DYNC1I1: variants seen among roughly 807,000 people sequenced by gnomAD.
DYNC1I1 encodes the protein cytoplasmic dynein 1 intermediate chain 1.
DYNC1I1 carries 43 observed loss-of-function variants against 86.6 expected under a neutral mutation model. The ratio of observed to expected loss-of-function variants is 0.50; its 90% CI spans 0.39 to 0.64. The LOEUF is 0.64. DYNC1I1 is among the 30% of genes least tolerant of loss of function. DYNC1I1 has a pLI of 0.00. For synonymous variants in DYNC1I1, 262 were observed against 283.7 expected (o/e 0.92, Z 0.77); for missense variants, 604 against 788.8 (o/e 0.77, Z 2.81).
At chr7:95,880,982 T>A (rs144681191) in intron 6 of DYNC1I1, among the ~76,000 whole-genome samples, 68 of 152,308 alleles carry the variant, frequency 4.5e-4, no homozygotes, top group African/African-American at 1.5e-3. Context: ...TATCTTTCCC[T>A]AATTTCTCAT....
chr7:96,052,108 A>G (rs746340992), intron 14 of DYNC1I1, among the ~76,000 whole-genome samples: 3 of 152,170 alleles, frequency 2.0e-5, no homozygotes, highest in Non-Finnish European at 4.4e-5. Flanking sequence ...CCTGGTAGGC[A>G]CTGAGTAAAT....
chr7:96,072,095 C>T (rs762387894), intron 14 of DYNC1I1, among the ~76,000 whole-genome samples: 4 of 152,124 alleles, frequency 2.6e-5, no homozygotes, highest in African/African-American at 7.2e-5. Context: ...AGATTTTATG[C>T]GGATTAAATT....
intron 10 of DYNC1I1, among the ~76,000 whole-genome samples, chr7:95,999,182 T>G (rs998680450): frequency 6.6e-6 from 1 of 152,218 alleles, no homozygotes; most frequent in African/African-American, 2.4e-5. Flanking sequence ...GTCATTAGAT[T>G]ATGTGTCTGA....
intron 10 of DYNC1I1, among the ~76,000 whole-genome samples, chr7:96,006,144 A>G (rs895640073): frequency 6.6e-6 from 1 of 152,232 alleles, no homozygotes; most frequent in Non-Finnish European, 1.5e-5. Context: ...AACCTTAACA[A>G]CTGATCAATA....
intron 5 of DYNC1I1, among the ~76,000 whole-genome samples, chr7:95,838,362 T>TA (rs1303567804): frequency 3.9e-5 from 6 of 152,218 alleles, no homozygotes; most frequent in Non-Finnish European, 8.8e-5. Context: ...GATGTGTGAG[T>TA]TAATTTCTGG....
At chr7:95,889,609 G>T (rs538494342) in intron 6 of DYNC1I1, among the ~76,000 whole-genome samples, 3 of 152,162 alleles carry the variant, frequency 2.0e-5, no homozygotes, top group African/African-American at 7.2e-5. Context: ...TTAAACTTAA[G>T]AGTTTCTGCA....
intron 9 of DYNC1I1, among the ~76,000 whole-genome samples, chr7:95,987,359 CAAG>C (rs988059263): frequency 6.6e-6 from 1 of 152,146 alleles, no homozygotes; most frequent in Admixed American, 6.5e-5. Context: ...AGGTACCAAA[CAAG>C]AAGCCAGATT....
At chr7:95,990,985 C>G (rs1465517030) in intron 9 of DYNC1I1, among the ~76,000 whole-genome samples, 1 of 151,920 alleles carries the variant, frequency 6.6e-6, no homozygotes, top group African/African-American at 2.4e-5. Context: ...GCTAAGGTCT[C>G]ATCACTGCAT....
At chr7:95,777,147 C>T (rs568765463) in intron 1 of DYNC1I1, among the ~76,000 whole-genome samples, 4 of 152,284 alleles carry the variant, frequency 2.6e-5, no homozygotes, top group South Asian at 4.1e-4. Context: ...TGTTCACACA[C>T]TGATAGGAAA....
chr7:95,921,267 A>G lies in DYNC1I1; in HGVS notation c.490+51269A>G, dbSNP rs1791603469. On this transcript the variant is annotated intron_variant, in intron 6 of 16. Transcript: ENST00000447467. ...TACCCTGCATATTGATAAACCTATC[A>G]AGATTTTGGGGGCTTCATTGTTTCA... Among the ~76,000 whole-genome samples the G allele has an allele frequency of 3.9e-5, 6 of 152,316 alleles. No individual in the cohort carries two copies. In the South Asian group the frequency reaches 1.2e-3, roughly 32 times the overall value.
rs550895288 is a variant in DYNC1I1, at chr7:95,942,613, A to G, written c.491-34899A>G. On this transcript the variant is annotated intron_variant, in intron 6 of 16. Transcript: ENST00000447467. Reference sequence around the variant, plus strand: ...AATATCCTTGATGAACATTGATGCAAAAATCCTCAATAAAATACTGGCAAA... The same window carrying G: ...AATATCCTTGATGAACATTGATGCAGAAATCCTCAATAAAATACTGGCAAA... Among the ~76,000 whole-genome samples the G allele has an allele frequency of 2.9e-3, 438 of 152,186 alleles. 1 individual carries two copies. Among genetic ancestry groups the G allele is most frequent in the African/African-American group, 0.01 (420 of 41,512 alleles).
At chr7:95,873,328 C>T (rs1790222420) in intron 6 of DYNC1I1, among the ~76,000 whole-genome samples, 1 of 152,122 alleles carries the variant, frequency 6.6e-6, no homozygotes, top group Admixed American at 6.5e-5. Context: ...ACCATTGGGT[C>T]AGCTGGACCA....
rs114456879 is a variant in DYNC1I1 at position 95,882,734 on chromosome 7, C to T, written c.490+12736C>T. Among the ~76,000 whole-genome samples, 465 of 152,202 alleles carry T rather than the reference C, an allele frequency of 3.1e-3. 4 individuals carry two copies. The highest frequency in any genetic ancestry group is 0.011 in the African/African-American group (452 of 41,528). ...TATATTGAACATTGGTGAGGTACAG[C>T]GAAATTTGAAGAGGTGGGAAAAAGT... On this transcript the variant is annotated intron_variant, in intron 6 of 16. Coordinates refer to ENST00000447467, the MANE Select transcript of DYNC1I1 (RefSeq NM_001135556.2).
At chr7:95,905,610 A>T (rs909410417) in intron 6 of DYNC1I1, among the ~76,000 whole-genome samples, 1 of 151,876 alleles carries the variant, frequency 6.6e-6, no homozygotes, top group East Asian at 1.9e-4. Flanking sequence ...TTTATCCTCC[A>T]TTTTATTGCA....
chr7:96,069,114 T>G (rs893773721), intron 14 of DYNC1I1, among the ~76,000 whole-genome samples: 2 of 152,180 alleles, frequency 1.3e-5, no homozygotes, highest in Non-Finnish European at 2.9e-5. Flanking sequence ...TTAATACCAA[T>G]GTCCACCTTT....
At chr7:96,033,447 C>A (rs1458294848) in intron 12 of DYNC1I1, among the ~76,000 whole-genome samples, 1 of 152,194 alleles carries the variant, frequency 6.6e-6, no homozygotes. Flanking sequence ...TAGACAAACA[C>A]ACAAGACATG....
At chr7:96,003,263 C>G (rs1794059989) in intron 10 of DYNC1I1, among the ~76,000 whole-genome samples, 1 of 152,210 alleles carries the variant, frequency 6.6e-6, no homozygotes, top group African/African-American at 2.4e-5. Flanking sequence ...CTAGACTACT[C>G]ACACTGATGG....
chr7:95,810,552 G>A (rs780562849), intron 3 of DYNC1I1, 46 bp downstream of exon 3: 13 of 1,521,284 alleles, frequency 8.5e-6, no homozygotes, highest in East Asian at 6.9e-5. Context: ...ATCAACTTGC[G>A]TGGGATATAC....
intron 9 of DYNC1I1, among the ~76,000 whole-genome samples, chr7:95,995,249 A>AAAATAAATAAATAAATAAATAAAT (rs71127433): frequency 3.5e-5 from 5 of 143,058 alleles, no homozygotes; most frequent in African/African-American, 1.0e-4. Context: ...TCCATCTCAA[A>AAAATAAATAAATAAATAAATAAAT]AAATAAATAA....
Sources: gnomAD v4.1 joint callset for allele counts (sites outside exome capture counted in the v4.1 genomes callset) on GRCh38, gnomAD v4.1.1 for gene constraint, MANE v1.5 for transcripts, NCBI Gene and HGNC (gene_info 2026-07-23, HGNC 2026-07-21) for gene names.